Variants in TMEM63A observed in about 807,000 individuals in gnomAD.
TMEM63A encodes the protein transmembrane protein 63A.
A neutral mutation model predicts 100.6 loss-of-function variants in TMEM63A; 76 were observed. The observed-to-expected ratio is 0.76, with a 90% confidence interval of 0.63 to 0.91. The LOEUF (loss-of-function observed/expected upper bound fraction) is 0.91. Ranked by LOEUF, TMEM63A falls within the 40% of genes least tolerant of loss-of-function variation. The pLI, the probability that TMEM63A is intolerant of heterozygous loss-of-function variation, is 0.00. For synonymous variants in TMEM63A, 401 were observed against 401.1 expected (o/e 1.00, Z 0.00); for missense variants, 876 against 1,008.8 (o/e 0.87, Z 1.78).
intron 17 of TMEM63A, among the ~76,000 whole-genome samples, chr1:225,856,363 G>A (rs1056405799): frequency 1.1e-3 from 136 of 126,052 alleles, no homozygotes; most frequent in South Asian, 1.1e-3. Flanking sequence ...AGAGTCTCAC[G>A]CCTGTAATCC....
chr1:225,879,867 G>T (rs140038670), intron 1 of TMEM63A, among the ~76,000 whole-genome samples: 1 of 152,366 alleles, frequency 6.6e-6, no homozygotes, highest in African/African-American at 2.4e-5. Context: ...AACAAGGAAG[G>T]CTTGAAATGT....
intron 23 of TMEM63A, among the ~76,000 whole-genome samples, chr1:225,847,720 C>T (rs1303342832): frequency 1.3e-5 from 2 of 152,228 alleles, no homozygotes; most frequent in South Asian, 2.1e-4. Flanking sequence ...ACCTGTCCTG[C>T]ATGTTCCCTG....
At position 225,853,235 on chromosome 1, in the gene TMEM63A, G is replaced by C. The variant is rs1669444097; in HGVS notation, c.1797+394C>G. 6.6e-6 allele frequency among the ~76,000 whole-genome samples: 1 copy of C among 152,212 alleles called. No individual in the cohort carries two copies. ...ATGGCAGAGGAGAATAAAAGAGAAA[G>C]CCACACCCTCCAGTTCAGGGAATCC... On this transcript the variant is annotated intron_variant, in intron 19 of 24. Coordinates refer to ENST00000366835, the MANE Select transcript of TMEM63A (RefSeq NM_014698.3). The surrounding 1 kb of genome is among the most constrained non-coding windows in gnomAD (Gnocchi z 4.0).
At chr1:225,869,631 A>G (rs1221911193) in intron 6 of TMEM63A, among the ~76,000 whole-genome samples, 1 of 149,242 alleles carries the variant, frequency 6.7e-6, no homozygotes, top group Non-Finnish European at 1.5e-5. Flanking sequence ...CATTTCATCA[A>G]TTCTAAGATA....
chr1:225,840,627 C>A (rs944192148), downstream of TMEM63A, among the ~76,000 whole-genome samples: 1 of 152,208 alleles, frequency 6.6e-6, no homozygotes, highest in Non-Finnish European at 1.5e-5. Flanking sequence ...TCAATTAAAT[C>A]TCCATGGGAC....
At chr1:225,874,935 T>C (rs1670703414) in intron 3 of TMEM63A, among the ~76,000 whole-genome samples, 1 of 152,208 alleles carries the variant, frequency 6.6e-6, no homozygotes, top group African/African-American at 2.4e-5. Context: ...GGTTTCACCA[T>C]ATTGGTCAGG....
Position 225,879,764 on chromosome 1 carries a change from G to C in TMEM63A, c.-205-354C>G, listed in dbSNP as rs530354088. ...GCTCACGGTAGGGCCCCAAGCAAAGGACTTCACCTGGGCCCCAAGGGCCAA... is the reference window on the plus strand; with the variant it reads ...GCTCACGGTAGGGCCCCAAGCAAAGCACTTCACCTGGGCCCCAAGGGCCAA... On this transcript the variant is annotated intron_variant, in intron 1 of 24. Coordinates refer to ENST00000366835, the MANE Select transcript of TMEM63A (RefSeq NM_014698.3). Among the ~76,000 whole-genome samples, 14 of 152,330 alleles carry C rather than the reference G, an allele frequency of 9.2e-5. No individual in the cohort carries two copies. The East Asian group carries it at 2.3e-3, about 25-fold the overall frequency.
intron 10 of TMEM63A, 198 bp from the exon 11 acceptor site, chr1:225,863,049 TTTG>T: frequency 1.8e-6 from 1 of 570,186 alleles, no homozygotes; most frequent in Non-Finnish European, 3.1e-6. Context: ...AAAGAGGGCT[TTTG>T]TTTTGTTTTG....
At chr1:225,877,178 T>G (rs1369497623) in intron 3 of TMEM63A, among the ~76,000 whole-genome samples, 1 of 152,124 alleles carries the variant, frequency 6.6e-6, no homozygotes, top group Non-Finnish European at 1.5e-5. Flanking sequence ...AATTCCAAAA[T>G]TCTCTGAGAT....
rs1670168488 is a variant in TMEM63A, at chr1:225,865,730, C to G, written c.746+167G>C. On this transcript the variant is annotated intron_variant, in intron 10 of 24. Coordinates refer to ENST00000366835, the MANE Select transcript of TMEM63A (RefSeq NM_014698.3). This position sits in a 1 kb window ranked among gnomAD's most constrained non-coding sequence, Gnocchi z 4.6. ...GCACAGCACCAGCAGGGCTGGCACA[C>G]AGGAGCCACTCCATACACGTGTGGC... 2.6e-5 allele frequency: 17 copies of G among 657,296 alleles called. No individual in the cohort carries two copies. Among genetic ancestry groups the G allele is most frequent in the Non-Finnish European group, 4.5e-5 (17 of 381,578 alleles). The allele number at this position is 657,296 out of a possible 1,614,324, so 40.7% of individuals were successfully genotyped here. A position where few individuals can be genotyped will look rare whatever the true frequency, so the allele number is the denominator to read the frequency against.
intron 1 of TMEM63A, among the ~76,000 whole-genome samples, chr1:225,881,403 G>A (rs905048021): frequency 1.3e-5 from 2 of 152,242 alleles, no homozygotes; most frequent in African/African-American, 4.8e-5. Flanking sequence ...ATTAGAAGCT[G>A]TCTGCCTTTA....
At chr1:225,844,313 A>G (rs540215648), downstream of TMEM63A, among the ~76,000 whole-genome samples, 2 of 152,202 alleles carry the variant, frequency 1.3e-5, no homozygotes, top group East Asian at 1.9e-4. Flanking sequence ...AACTAAATCC[A>G]TGCGCTCCAG....
At chr1:225,856,837 G>A (rs1669645340) in intron 16 of TMEM63A, 74 bp downstream of exon 16, 5 of 1,582,748 alleles carry the variant, frequency 3.2e-6, no homozygotes, top group African/African-American at 1.4e-5. Flanking sequence ...CAGCTGGGGG[G>A]TTAGGGTGTG....
chr1:225,860,686 G>A (rs1221299001), intron 14 of TMEM63A, 174 bp downstream of exon 14: 1 of 607,768 alleles, frequency 1.6e-6, no homozygotes, highest in Non-Finnish European at 2.5e-6. Context: ...GGGAAGGGCT[G>A]GGCAGATACC....
At chr1:225,857,376 C>CGGGGGGGGGG (rs1213111924) in intron 15 of TMEM63A, among the ~76,000 whole-genome samples, 1 of 3,270 alleles carries the variant, frequency 3.1e-4, no homozygotes, top group African/African-American at 6.2e-4. Context: ...GAGTCCTGGC[C>CGGGGGGGGGG]GGCGGGGCGG....
intron 4 of TMEM63A, among the ~76,000 whole-genome samples, chr1:225,873,444 C>T (rs547956474): frequency 6.6e-6 from 1 of 152,106 alleles, no homozygotes; most frequent in African/African-American, 2.4e-5. Context: ...AGGAGGCGCC[C>T]GAGAGTGGAG....
chr1:225,866,044 C>T, intron 9 of TMEM63A, 77 bp from the exon 10 acceptor site: 1 of 1,463,512 alleles, frequency 6.8e-7, no homozygotes, highest in Non-Finnish European at 9.5e-7. Context: ...CTACCCAACT[C>T]CAGCCTCTGG....
chr1:225,870,115 C>T (rs1559048290), intron 6 of TMEM63A, among the ~76,000 whole-genome samples: 1 of 151,832 alleles, frequency 6.6e-6, no homozygotes, highest in African/African-American at 2.4e-5. Flanking sequence ...TTTGGGAGGC[C>T]GAGGCAGGCA....
chr1:225,844,402 T>G (rs1668732512), downstream of TMEM63A: 1 of 1,598,648 alleles, frequency 6.3e-7, no homozygotes, highest in African/African-American at 1.3e-5. Flanking sequence ...GGAAGCCGCA[T>G]GGGCAGGGCC....
Sources: gnomAD v4.1 joint callset for allele counts (sites outside exome capture counted in the v4.1 genomes callset) on GRCh38, gnomAD v4.1.1 for gene constraint, Gnocchi (gnomAD v3.1) non-coding constraint, MANE v1.5 for transcripts, NCBI Gene and HGNC (gene_info 2026-07-23, HGNC 2026-07-21) for gene names.